The following PCNX3 variants were observed in gnomAD, a reference collection of about 807,000 sequenced individuals.
PCNX3 encodes pecanex-like protein 3.
A neutral mutation model predicts 207.2 loss-of-function variants in PCNX3; 58 were observed. That is an observed-to-expected ratio of 0.28 (90% CI 0.23 to 0.35). PCNX3 has a LOEUF of 0.35. Among genes scored for constraint, PCNX3 ranks in the 10% least tolerant of loss-of-function variants. The probability of loss-of-function intolerance (pLI) is 1.00; values close to 1 mark genes in which losing one functional copy is unlikely to be tolerated. For synonymous variants in PCNX3, 1,337 were observed against 1,183.5 expected (o/e 1.13, Z -2.66); for missense variants, 2,410 against 2,774.4 (o/e 0.87, Z 2.95).
In PCNX3 at chr11:65,625,759, G is replaced by T. The variant is rs764211516; in HGVS notation, c.3228+15G>T. 6.2e-7 allele frequency: 1 copy of T among 1,605,296 alleles called. No individual in the cohort carries two copies. The highest frequency in any genetic ancestry group is 8.5e-7 in the Non-Finnish European group (1 of 1,177,952). On this transcript the variant is annotated intron_variant, in intron 19 of 34. Coordinates refer to ENST00000355703, the MANE Select transcript of PCNX3 (RefSeq NM_032223.4). This position sits in a 1 kb window ranked among gnomAD's most constrained non-coding sequence, Gnocchi z 5.6. Reference sequence around the variant, plus strand: ...TTGCCCTGAAGGTTTGTGTGGCATGGGCCGCTGCTGCCTCTCGCTGTCTTG... The same window carrying T: ...TTGCCCTGAAGGTTTGTGTGGCATGTGCCGCTGCTGCCTCTCGCTGTCTTG...
rs1401765614 is a variant in PCNX3, at chr11:65,630,622, G to A, written c.4470+18G>A. ...ATGTCAAGGTACGGTGGGCAGGTGT[G>A]GCCGGGCAGCAGGGCCCTTGCGGGT... is the stretch of plus-strand genomic sequence containing the variant. On this transcript the variant is annotated intron_variant, in intron 27 of 34. Coordinates refer to ENST00000355703, the MANE Select transcript of PCNX3 (RefSeq NM_032223.4). 2.5e-6 allele frequency: 4 copies of A among 1,599,854 alleles called. No individual in the cohort carries two copies. The highest frequency in any genetic ancestry group is 2.2e-5 in the East Asian group (1 of 44,522).
In PCNX3 at chr11:65,635,237, A is replaced by C. The variant is rs761550893; in HGVS notation, c.4973A>C (p.Asp1658Ala). 2 of 1,587,080 alleles carry C rather than the reference A, an allele frequency of 1.3e-6. No individual in the cohort carries two copies. Among genetic ancestry groups the C allele is most frequent in the South Asian group, 2.3e-5 (2 of 88,070 alleles). ...KLHQDHFTSP[D>A]EYEEPAALYD... ...TACCAGGACCACTTCACGTCCCCAGATGAATATGAGGAGCCAGCAGCCCTA... is the reference window on the plus strand; with the variant it reads ...TACCAGGACCACTTCACGTCCCCAGCTGAATATGAGGAGCCAGCAGCCCTA... The change falls in exon 31 of 35, where the codon GAT becomes GCT. Residue 1658 changes from aspartate to alanine, a missense_variant. By Grantham distance (126) the Asp-to-Ala change is moderately radical. This residue lies in a region of PCNX3 where 420 missense variants were observed against 705.3 expected (regional missense o/e 0.60). Transcript: ENST00000355703. This position sits in a 1 kb window ranked among gnomAD's most constrained non-coding sequence, Gnocchi z 9.9.
chr11:65,616,140 CCGCCCCCTGCT>C lies in PCNX3; in HGVS notation c.-168_-158del. 3 of 419,024 alleles carry C rather than the reference CCGCCCCCTGCT, an allele frequency of 7.2e-6. No homozygotes were observed. Among genetic ancestry groups the C allele is most frequent in the Non-Finnish European group, 1.2e-5 (3 of 248,074 alleles). The allele number at this position is 419,024 out of a possible 1,614,324, so 26.0% of individuals were successfully genotyped here. A position where few individuals can be genotyped will look rare whatever the true frequency, so the allele number is the denominator to read the frequency against. ...GCACCACTGACTGTCCCGGCCGGCC[CCGCCCCCTGCT>C]CGCACCCTCGCGCGGCCGAGCCCCC... On this transcript the variant is annotated 5_prime_UTR_variant, in exon 1 of 35. Transcript: ENST00000355703.
At chr11:65,634,036 G>T (rs1855723797) in intron 27 of PCNX3, 90 bp from the exon 28 acceptor site, 1 of 1,236,238 alleles carries the variant, frequency 8.1e-7, no homozygotes, top group Non-Finnish European at 1.1e-6. Flanking sequence ...CTTCAGCTCA[G>T]TCTTGGGGAG....
At chr11:65,624,035 G>A in intron 13 of PCNX3, 74 bp downstream of exon 13, 3 of 1,595,676 alleles carry the variant, frequency 1.9e-6, no homozygotes, top group Non-Finnish European at 2.6e-6. Context: ...GAGGAGGGTA[G>A]GGTATGGAGG....
At position 65,628,909 on chromosome 11, in the gene PCNX3, C is replaced by T; in HGVS notation, c.3902C>T (p.Ser1301Phe). 6.2e-7 allele frequency: 1 copy of T among 1,612,624 alleles called. No individual in the cohort carries two copies. The highest frequency in any genetic ancestry group is 8.5e-7 in the Non-Finnish European group (1 of 1,179,832). ...CTAGGCAGTGCCGTCTTCATCATGTCCTACGCTCGGCCCCTCAAGTTCTGG... is the reference window on the plus strand; with the variant it reads ...CTAGGCAGTGCCGTCTTCATCATGTTCTACGCTCGGCCCCTCAAGTTCTGG... ...PLLGSAVFIMSYARPLKFWER... is the reference protein window; with the variant it reads ...PLLGSAVFIMFYARPLKFWER... The change falls in exon 24 of 35, where the codon TCC becomes TTC. Residue 1301 changes from serine to phenylalanine, a missense_variant. Ser to Phe is a radical substitution (Grantham distance 155, BLOSUM62 -2). Transcript: ENST00000355703.
chr11:65,624,610 GGGGCCCGTGTGGAGGCCCAGGA>G, intron 15 of PCNX3, 29 bp downstream of exon 15: 1 of 1,548,270 alleles, frequency 6.5e-7, no homozygotes, highest in Non-Finnish European at 8.8e-7. Flanking sequence ...GCTCAGGGAT[GGGGCCCGTGTGGAGGCCCAGGA>G]GGGCCCTCGG....
In PCNX3 at chr11:65,635,374, G is replaced by A. The variant is rs759028163; in HGVS notation, c.5110G>A (p.Val1704Ile). 65 of 1,612,128 alleles carry A rather than the reference G, an allele frequency of 4.0e-5. 1 individual carries two copies. Among genetic ancestry groups the A allele is most frequent in the Non-Finnish European group, 5.0e-5 (59 of 1,179,652 alleles). Residue 1704 changes from valine (V) to isoleucine (I), a missense_variant, in exon 31 of 35, where the codon GTC becomes ATC. Physicochemically the swap from Val to Ile is conservative, Grantham distance 29 (BLOSUM62 3). Coordinates refer to ENST00000355703, the MANE Select transcript of PCNX3 (RefSeq NM_032223.4). The surrounding 1 kb of genome is among the most constrained non-coding windows in gnomAD (Gnocchi z 9.9). ...GCCCTCCCTGCTGGCGCTGCGCCAT[G>A]TCCTGGATGATGCCTCCGACGAGTA... ...NTPSLLALRH[V>I]LDDASDEYKI...
rs778959674 is a variant in PCNX3, at chr11:65,618,699, GCTC to G, written c.1341_1343del (p.Ser449del). ...TCGCAGCGCCGCTACAGTACTGACA[GCTC>G]CTCTTCTACTTCCTGCTACTCCCCT... is the stretch of plus-strand genomic sequence containing the variant. On this transcript the variant is annotated inframe_deletion, in exon 6 of 35. Transcript: ENST00000355703. 2 of 1,613,006 alleles carry G rather than the reference GCTC, an allele frequency of 1.2e-6. No individual in the cohort carries two copies. The highest frequency in any genetic ancestry group is 2.2e-5 in the South Asian group (2 of 91,074).
Position 65,622,116 on chromosome 11 carries a change from ATGGT to A in PCNX3, c.2236-128_2236-125del, listed in dbSNP as rs1349933550. The A allele has an allele frequency of 3.9e-5, 55 of 1,424,642 alleles. No homozygotes were observed. In the African/African-American group the frequency reaches 7.7e-4, roughly 20 times the overall value. 88.3% of individuals were successfully genotyped at this position (1,424,642 alleles called of 1,614,324 possible). A position where few individuals can be genotyped will look rare whatever the true frequency, so the allele number is the denominator to read the frequency against. On this transcript the variant is annotated intron_variant, in intron 10 of 34. Transcript: ENST00000355703. ...CAGGGGCCTTTATGTGCTGATGGAA[ATGGT>A]CAACCAGACCGGTGTGCTGAAGGGG... is the stretch of plus-strand genomic sequence containing the variant.
Position 65,617,272 on chromosome 11 carries a change from G to C in PCNX3, c.364G>C (p.Val122Leu), listed in dbSNP as rs765506505. ...PPRDPGVEMT[V>L]FRKVSSTPPV... ...CAGGGACCCCGGAGTGGAGATGACA[G>C]TGTTCCGGAAAGTCAGTTCCACACC... The change falls in exon 3 of 35, where the codon GTG becomes CTG. Residue 122 changes from valine (V) to leucine (L), a missense_variant. Val to Leu is a conservative substitution (Grantham distance 32, BLOSUM62 1). Around this residue, in one of 8 missense-constraint regions of PCNX3, gnomAD observed 1,104 missense variants for 970.3 expected, o/e 1.14. Transcript: ENST00000355703. 10 of 1,608,506 alleles carry C rather than the reference G, an allele frequency of 6.2e-6. No individual in the cohort carries two copies. Among genetic ancestry groups the C allele is most frequent in the Non-Finnish European group, 8.5e-6 (10 of 1,177,586 alleles).
intron 27 of PCNX3, among the ~76,000 whole-genome samples, chr11:65,633,828 C>A (rs1296693979): frequency 6.6e-6 from 1 of 152,224 alleles, no homozygotes; most frequent in Non-Finnish European, 1.5e-5. Context: ...ATTTCTCATA[C>A]AAACGGGGCA....
At chr11:65,633,734 C>T (rs926911100) in intron 27 of PCNX3, among the ~76,000 whole-genome samples, 2 of 152,160 alleles carry the variant, frequency 1.3e-5, no homozygotes, top group Non-Finnish European at 2.9e-5. Context: ...GCCAGCTCCA[C>T]CTTGATGACT....
rs200487025 is a variant in PCNX3 at position 65,625,905 on chromosome 11, C to T, written c.3230C>T (p.Ser1077Leu). ...GTCTCTGGCCTCTCCCTCCTGCAGT[C>T]GGTGCTGGGTTTCGTGTTGTACGCA... ...SASTVFIALK[S>L]VLGFVLYALA... Residue 1077 changes from serine (S) to leucine (L), a missense_variant and splice_region_variant, in exon 20 of 35, where the codon TCG becomes TTG. By Grantham distance (145) the Ser-to-Leu change is moderately radical. Transcript: ENST00000355703. This position sits in a 1 kb window ranked among gnomAD's most constrained non-coding sequence, Gnocchi z 5.6. 2.0e-5 allele frequency: 33 copies of T among 1,612,184 alleles called. No homozygotes were observed. Among genetic ancestry groups the T allele is most frequent in the African/African-American group, 4.0e-5 (3 of 74,902 alleles).
rs565997588 is a variant in PCNX3, at chr11:65,630,609, G to T, written c.4470+5G>T. The T allele has an allele frequency of 1.9e-5, 31 of 1,602,480 alleles. No homozygotes were observed. The South Asian group carries it at 3.2e-4, about 16-fold the overall frequency. The stretch of plus-strand genomic sequence containing the variant: ...CTCATCACCTACTATGTCAAGGTAC[G>T]GTGGGCAGGTGTGGCCGGGCAGCAG... On this transcript the variant is annotated splice_donor_5th_base_variant and intron_variant, in intron 27 of 34. Transcript: ENST00000355703.
intron 11 of PCNX3, among the ~76,000 whole-genome samples, chr11:65,622,751 A>G (rs1590880675): frequency 6.7e-6 from 1 of 149,276 alleles, no homozygotes; most frequent in Non-Finnish European, 1.5e-5. Flanking sequence ...GCCCGCCACC[A>G]CACCTGGCTA....
chr11:65,635,783 G>C lies in PCNX3; in HGVS notation c.5439G>C (p.Trp1813Cys), dbSNP rs1237549430. Reference sequence around the variant, plus strand: ...TCAGCCTGGGTGCCATTGCCCACTGGCTCCTGCGCACCTGGGAGAGGTGAG... The same window carrying C: ...TCAGCCTGGGTGCCATTGCCCACTGCCTCCTGCGCACCTGGGAGAGGTGAG... ...GPISLGAIAH[W>C]LLRTWERLHK... Residue 1813 changes from tryptophan (W) to cysteine (C), a missense_variant, in exon 32 of 35, where the codon TGG becomes TGC. Physicochemically the swap from Trp to Cys is radical, Grantham distance 215 (BLOSUM62 -2). This residue lies in a region of PCNX3 where 59 missense variants were observed against 83.9 expected (regional missense o/e 0.70). Transcript: ENST00000355703. This position sits in a 1 kb window ranked among gnomAD's most constrained non-coding sequence, Gnocchi z 9.9. The C allele has an allele frequency of 4.4e-6, 7 of 1,603,816 alleles. No individual in the cohort carries two copies. Among genetic ancestry groups the C allele is most frequent in the Admixed American group, 1.7e-5 (1 of 58,374 alleles).
rs1282015477 is a variant in PCNX3, at chr11:65,624,326, C to T, written c.2676C>T (p.Phe892=). Residue 892 remains phenylalanine (F), a synonymous_variant, in exon 14 of 35, where the codon TTC becomes TTT. Coordinates refer to ENST00000355703, the MANE Select transcript of PCNX3 (RefSeq NM_032223.4). ...PPVSLYGLTL[F]SASFFFCARD... The stretch of plus-strand genomic sequence containing the variant: ...TCTCCCTCTACGGCCTCACGCTCTT[C>T]TCTGCCTCCTTCTTCTTCTGTGCCC... 6.4e-7 allele frequency: 1 copy of T among 1,563,134 alleles called. No individual in the cohort carries two copies. The highest frequency in any genetic ancestry group is 8.7e-7 in the Non-Finnish European group (1 of 1,153,324).
chr11:65,636,308 G>A lies in PCNX3; in HGVS notation c.5593+1G>A. 6.2e-7 allele frequency: 1 copy of A among 1,611,488 alleles called. No homozygotes were observed. The highest frequency in any genetic ancestry group is 1.1e-5 in the South Asian group (1 of 90,784). On this transcript the variant is annotated splice_donor_variant, in intron 33 of 34. Coordinates refer to ENST00000355703, the MANE Select transcript of PCNX3 (RefSeq NM_032223.4). LOFTEE classifies it high-confidence loss of function. ...CACCCCACACCTGAGAACACGGCAG[G>A]TGAGCAGGCGAGGCTGGGCTGAACC... is the stretch of plus-strand genomic sequence containing the variant.
Sources: allele counts gnomAD v4.1 joint callset (sites outside exome capture counted in the v4.1 genomes callset), GRCh38; gene constraint gnomAD v4.1.1; regional missense constraint gnomAD v4.1.1; non-coding constraint Gnocchi (gnomAD v3.1); transcripts MANE v1.5; gene names NCBI Gene and HGNC (gene_info 2026-07-23, HGNC 2026-07-21).